The following AJUBA variants were observed in gnomAD, a reference collection of about 807,000 sequenced individuals.
AJUBA encodes ajuba LIM protein, also known as LIM domain-containing protein ajuba.
A neutral mutation model predicts 53.3 loss-of-function variants in AJUBA; 20 were observed. The ratio of observed to expected loss-of-function variants is 0.38; its 90% CI spans 0.26 to 0.55. AJUBA has a LOEUF of 0.55. Among genes scored for constraint, AJUBA ranks in the 20% least tolerant of loss-of-function variants. AJUBA has a pLI of 0.80. For missense variants in AJUBA, 580 were observed against 730.5 expected (o/e 0.79, Z 2.38); for synonymous variants, 296 against 306.2 (o/e 0.97, Z 0.35).
At position 22,982,310 on chromosome 14, in the gene AJUBA, C is replaced by A; in HGVS notation, c.-44G>T. ...TCTCGCCCCCTCCCCGCCTGGCACCCTGCGGCGTCTCGGCGGCCGGTTCTC... is the reference window on the plus strand; with the variant it reads ...TCTCGCCCCCTCCCCGCCTGGCACCATGCGGCGTCTCGGCGGCCGGTTCTC... On this transcript the variant is annotated 5_prime_UTR_variant, in exon 1 of 8. In the 5' UTR this introduces an upstream ATG that the reference lacks. Transcript: ENST00000262713. 1 of 1,598,696 alleles carries A rather than the reference C, an allele frequency of 6.3e-7. No individual in the cohort carries two copies. The highest frequency in any genetic ancestry group is 8.5e-7 in the Non-Finnish European group (1 of 1,175,094).
chr14:22,979,089 G>C lies in AJUBA; in HGVS notation c.1007-644C>G, dbSNP rs754642587. 1.6e-6 allele frequency: 2 copies of C among 1,285,234 alleles called. No individual in the cohort carries two copies. The highest frequency in any genetic ancestry group is 2.0e-6 in the Non-Finnish European group (2 of 987,018). 79.6% of individuals were successfully genotyped at this position (1,285,234 alleles called of 1,614,324 possible). On this transcript the variant is annotated intron_variant, in intron 1 of 7. Coordinates refer to ENST00000262713, the MANE Select transcript of AJUBA (RefSeq NM_032876.6). This position sits in a 1 kb window ranked among gnomAD's most constrained non-coding sequence, Gnocchi z 4.0. The stretch of plus-strand genomic sequence containing the variant: ...AGGGTGTGTTCCAGGAACCAGGGTT[G>C]AACAGGAAAGCAGGGAGAGTAGCAG...
chr14:22,981,324 G>C lies in AJUBA; in HGVS notation c.943C>G (p.Pro315Ala), dbSNP rs757115776. ...EPSGLEEPPG[P>A]FVPEAARARM... ...GCCCGGGCGGCCTCCGGAACGAAAG[G>C]ACCTGGTGGCTCCTCCAGACCCGAC... is the stretch of plus-strand genomic sequence containing the variant. The change falls in exon 1 of 8, where the codon CCT (proline) becomes GCT (alanine). Residue 315 changes from proline to alanine, a missense_variant. Pro to Ala is a conservative substitution (Grantham distance 27). Coordinates refer to ENST00000262713, the MANE Select transcript of AJUBA (RefSeq NM_032876.6). 3.1e-6 allele frequency: 5 copies of C among 1,613,160 alleles called. No homozygotes were observed. Among genetic ancestry groups the C allele is most frequent in the East Asian group, 2.2e-5 (1 of 44,858 alleles).
rs1335042535 is a variant in AJUBA at position 22,981,781 on chromosome 14, G to A, written c.486C>T (p.Thr162=). The A allele has an allele frequency of 5.9e-6, 9 of 1,534,426 alleles. No individual in the cohort carries two copies. Among genetic ancestry groups the A allele is most frequent in the African/African-American group, 1.4e-5 (1 of 72,886 alleles). Residue 162 remains threonine (T), a synonymous_variant, in exon 1 of 8, where the codon ACC becomes ACT. Coordinates refer to ENST00000262713, the MANE Select transcript of AJUBA (RefSeq NM_032876.6). ...AGGSRPCSNR[T]SGISMGYDQR... is the part of the protein sequence containing the mutation. The stretch of plus-strand genomic sequence containing the variant: ...GGTCGTAGCCCATGCTGATGCCGCT[G>A]GTGCGATTGCTGCAGGGCCGGCTAC...
At position 22,972,903 on chromosome 14, in the gene AJUBA, G is replaced by A. The variant is rs2139344460; in HGVS notation, c.*540C>T. ...GGAGCTGGAGGGAGAATTACACTTT[G>A]ATTTGGTTCTAGTCAGTTTAGCTGA... On this transcript the variant is annotated 3_prime_UTR_variant, in exon 8 of 8. Transcript: ENST00000262713. The A allele has an allele frequency of 6.5e-6, 1 of 154,246 alleles. No individual in the cohort carries two copies. The highest frequency in any genetic ancestry group is 3.4e-3 in the Middle Eastern group (1 of 294). The allele number at this position is 154,246 out of a possible 1,614,324, so 9.6% of individuals were successfully genotyped here. A position where few individuals can be genotyped will look rare whatever the true frequency, so the allele number is the denominator to read the frequency against.
Position 22,981,649 on chromosome 14 carries a change from C to A in AJUBA, c.618G>T (p.Glu206Asp). 6.6e-7 allele frequency: 1 copy of A among 1,514,904 alleles called. No individual in the cohort carries two copies. Among genetic ancestry groups the A allele is most frequent in the Non-Finnish European group, 8.8e-7 (1 of 1,133,422 alleles). The allele number at this position is 1,514,904 out of a possible 1,614,324, so 93.8% of individuals were successfully genotyped here. A position where few individuals can be genotyped will look rare whatever the true frequency, so the allele number is the denominator to read the frequency against. Residue 206 changes from glutamate (E) to aspartate (D), a missense_variant, in exon 1 of 8, where the codon GAG becomes GAT. Physicochemically the swap from Glu to Asp is conservative, Grantham distance 45. Transcript: ENST00000262713. ...ACAATCGGTCCAGGGCGGCGTGGAGCTCCGGGTAGGCGGACGGGACCCCTC... is the reference window on the plus strand; with the variant it reads ...ACAATCGGTCCAGGGCGGCGTGGAGATCCGGGTAGGCGGACGGGACCCCTC... ...SPGGVPSAYP[E>D]LHAALDRLYA...
Position 22,979,069 on chromosome 14 carries a change from G to A in AJUBA, c.1007-624C>T. ...GAGGTGGCTGCTGAGAATGCAGGGT[G>A]TGTTCCAGGAACCAGGGTTGAACAG... is the stretch of plus-strand genomic sequence containing the variant. On this transcript the variant is annotated intron_variant, in intron 1 of 7. Transcript: ENST00000262713. This position sits in a 1 kb window ranked among gnomAD's most constrained non-coding sequence, Gnocchi z 4.0. 2.3e-6 allele frequency: 3 copies of A among 1,288,338 alleles called. No individual in the cohort carries two copies. In the South Asian group the frequency reaches 3.7e-5, roughly 16 times the overall value. 79.8% of individuals were successfully genotyped at this position (1,288,338 alleles called of 1,614,324 possible). A position where few individuals can be genotyped will look rare whatever the true frequency, so the allele number is the denominator to read the frequency against.
At chr14:22,978,466 C>T in intron 1 of AJUBA, 21 bp from the exon 2 acceptor site, 1 of 1,602,408 alleles carries the variant, frequency 6.2e-7, no homozygotes, top group Non-Finnish European at 8.5e-7. Flanking sequence ...AAAAGTGTCA[C>T]ACTCTACTCC....
chr14:22,973,038 A>G lies in AJUBA; in HGVS notation c.*405T>C. The G allele has an allele frequency of 4.6e-6, 1 of 218,642 alleles. No individual in the cohort carries two copies. The highest frequency in any genetic ancestry group is 9.3e-6 in the Non-Finnish European group (1 of 107,842). The allele number at this position is 218,642 out of a possible 1,614,324, so 13.5% of individuals were successfully genotyped here. On this transcript the variant is annotated 3_prime_UTR_variant, in exon 8 of 8. Coordinates refer to ENST00000262713, the MANE Select transcript of AJUBA (RefSeq NM_032876.6). ...CCAGACACAGTGGCTTACGCCTATA[A>G]TCCCAGCACTTTGGGAGGCCAAGGT... is the stretch of plus-strand genomic sequence containing the variant.
chr14:22,975,124 G>A lies in AJUBA; in HGVS notation c.1240-20C>T. 2.5e-6 allele frequency: 4 copies of A among 1,603,678 alleles called. No individual in the cohort carries two copies. The highest frequency in any genetic ancestry group is 2.6e-6 in the Non-Finnish European group (3 of 1,174,984). Reference sequence around the variant, plus strand: ...TAGGATCTGGCTCATGGGGTAGCAAGAGAATCAGTCTCCCTCCAGTCCCAG... The same window carrying A: ...TAGGATCTGGCTCATGGGGTAGCAAAAGAATCAGTCTCCCTCCAGTCCCAG... On this transcript the variant is annotated intron_variant, in intron 4 of 7. Transcript: ENST00000262713.
intron 2 of AJUBA, 95 bp from the exon 3 acceptor site, chr14:22,976,807 A>C: frequency 1.3e-6 from 2 of 1,521,620 alleles, no homozygotes; most frequent in Non-Finnish European, 1.8e-6. Flanking sequence ...ATATATTTAA[A>C]CCTGGACTTT....
intron 7 of AJUBA, 74 bp from the exon 8 acceptor site, chr14:22,973,642 G>A (rs1384875751): frequency 2.5e-6 from 4 of 1,572,430 alleles, no homozygotes; most frequent in African/African-American, 1.3e-5. Context: ...AGTCTGCCCT[G>A]CTCAACACCT....
At chr14:22,978,672 G>C in intron 1 of AJUBA, 1 of 1,310,956 alleles carries the variant, frequency 7.6e-7, no homozygotes, top group South Asian at 1.6e-5. Context: ...CATCTGTTTT[G>C]TGCTTAACAC....
At position 22,979,802 on chromosome 14, in the gene AJUBA, T is replaced by G. The variant is rs1045046945; in HGVS notation, c.1007-1357A>C. On this transcript the variant is annotated intron_variant, in intron 1 of 7. Coordinates refer to ENST00000262713, the MANE Select transcript of AJUBA (RefSeq NM_032876.6). This position sits in a 1 kb window ranked among gnomAD's most constrained non-coding sequence, Gnocchi z 4.0. Reference sequence around the variant, plus strand: ...ACCTATGTTCTTCCTGCCATTTTATTGCAGTTTCTCTGAGTTCCTTTCTTC... The same window carrying G: ...ACCTATGTTCTTCCTGCCATTTTATGGCAGTTTCTCTGAGTTCCTTTCTTC... Among the ~76,000 whole-genome samples the G allele has an allele frequency of 3.3e-5, 5 of 152,242 alleles. No individual in the cohort carries two copies. The highest frequency in any genetic ancestry group is 5.9e-5 in the Non-Finnish European group (4 of 68,034).
Position 22,981,271 on chromosome 14 carries a change from C to G in AJUBA, c.996G>C (p.Glu332Asp). ...ACTTCTCTCACTCACCGAAGTAGTCCTCCCTGGCCTCTGGCTCCCGCATCC... is the reference window on the plus strand; with the variant it reads ...ACTTCTCTCACTCACCGAAGTAGTCGTCCCTGGCCTCTGGCTCCCGCATCC... ...RARMREPEAR[E>D]DYFGTCIKCN... is the part of the protein sequence containing the mutation. Residue 332 changes from glutamate (E) to aspartate (D), a missense_variant, in exon 1 of 8, where the codon GAG becomes GAC. Transcript: ENST00000262713. 6.2e-7 allele frequency: 1 copy of G among 1,606,042 alleles called. No individual in the cohort carries two copies. Among genetic ancestry groups the G allele is most frequent in the Non-Finnish European group, 8.5e-7 (1 of 1,174,790 alleles).
rs1160215642 is a variant in AJUBA at position 22,978,283 on chromosome 14, C to T, written c.1108+61G>A. On this transcript the variant is annotated intron_variant, in intron 2 of 7. Coordinates refer to ENST00000262713, the MANE Select transcript of AJUBA (RefSeq NM_032876.6). ...CAAGCTCTCCTCCTGTTCCCCATAG[C>T]ACTTGTAAGTGTGTATGTGGGCAGG... 3 of 1,477,972 alleles carry T rather than the reference C, an allele frequency of 2.0e-6. No individual in the cohort carries two copies. The East Asian group carries it at 6.9e-5, about 34-fold the overall frequency. 91.6% of individuals were successfully genotyped at this position (1,477,972 alleles called of 1,614,324 possible). A position where few individuals can be genotyped will look rare whatever the true frequency, so the allele number is the denominator to read the frequency against.
rs924369289 is a variant in AJUBA at position 22,972,403 on chromosome 14, T to C, written c.*1040A>G. On this transcript the variant is annotated 3_prime_UTR_variant, in exon 8 of 8. Transcript: ENST00000262713. The stretch of plus-strand genomic sequence containing the variant: ...GTGCATGAACACACCCACACATGCA[T>C]ACACTGGGCTATATGGCTCAGTGCA... The C allele has an allele frequency of 3.3e-5, 5 of 152,400 alleles. No individual in the cohort carries two copies. The highest frequency in any genetic ancestry group is 9.7e-5 in the African/African-American group (4 of 41,356). 9.4% of individuals were successfully genotyped at this position (152,400 alleles called of 1,614,324 possible).
At chr14:22,973,930 T>G (rs1457380186) in intron 7 of AJUBA, 117 bp downstream of exon 7, 1 of 1,205,744 alleles carries the variant, frequency 8.3e-7, no homozygotes, top group African/African-American at 1.5e-5. Context: ...TCACAATATC[T>G]TTCTGGTTTC....
chr14:22,976,760 C>A, intron 2 of AJUBA, 48 bp from the exon 3 acceptor site: 1 of 1,602,600 alleles, frequency 6.2e-7, no homozygotes, highest in Non-Finnish European at 8.5e-7. Context: ...AGCCCAGGTG[C>A]AAGACTTCTG....
At position 22,982,158 on chromosome 14, in the gene AJUBA, G is replaced by A. The variant is rs368196463; in HGVS notation, c.109C>T (p.Arg37Cys). 2 of 1,611,666 alleles carry A rather than the reference G, an allele frequency of 1.2e-6. No homozygotes were observed. Among genetic ancestry groups the A allele is most frequent in the East Asian group, 2.2e-5 (1 of 44,836 alleles). ...CTAGGTCCCCCCAACCCACTTAGGC[G>A]CCCCTTGCCCGGCCCGGGGGTCCCG... ...SDGTPGPGKG[R>C]LSGLGGPRKS... The change falls in exon 1 of 8, where the codon CGC becomes TGC. Residue 37 changes from arginine to cysteine, a missense_variant. Arg to Cys is a radical substitution (Grantham distance 180). Around this residue, in one of 2 missense-constraint regions of AJUBA, gnomAD observed 430 missense variants for 471.5 expected, o/e 0.91. Transcript: ENST00000262713.
Sources: allele counts gnomAD v4.1 joint callset (sites outside exome capture counted in the v4.1 genomes callset), GRCh38; gene constraint gnomAD v4.1.1; regional missense constraint gnomAD v4.1.1; non-coding constraint Gnocchi (gnomAD v3.1); transcripts MANE v1.5; gene names NCBI Gene and HGNC (gene_info 2026-07-23, HGNC 2026-07-21).